SORCS1: variants seen among roughly 807,000 people sequenced by gnomAD.
SORCS1 encodes VPS10 domain-containing receptor SorCS1.
Under a neutral mutation model 146.1 loss-of-function variants are expected in SORCS1, and 60 were observed. The observed-to-expected ratio is 0.41, with a 90% CI of 0.33 to 0.51. The LOEUF (loss-of-function observed/expected upper bound fraction) is 0.51, where lower values mean the gene tolerates loss of function less well. Ranked by LOEUF, SORCS1 falls within the 20% of genes least tolerant of loss-of-function variation. The pLI is 0.21. For missense variants in SORCS1, 1,352 were observed against 1,487.6 expected, an observed-to-expected ratio of 0.91 and a Z score of 1.50; for synonymous variants, 637 against 584.0, an observed-to-expected ratio of 1.09 and a Z score of -1.31.
At chr10:106,644,526 C>A (rs1849282403) in intron 18 of SORCS1, among the ~76,000 whole-genome samples, 1 of 152,028 alleles carries the variant, frequency 6.6e-6, no homozygotes, top group African/African-American at 2.4e-5. Flanking sequence ...ACCACCACGC[C>A]CAGCTAATTT....
chr10:107,057,138 GAAAGACTAGA>G (rs987483619), intron 1 of SORCS1, among the ~76,000 whole-genome samples: 1 of 152,150 alleles, frequency 6.6e-6, no homozygotes, highest in Non-Finnish European at 1.5e-5. Context: ...ACTAGAGGAT[GAAAGACTAGA>G]AAAGAATGAG....
intron 6 of SORCS1, among the ~76,000 whole-genome samples, chr10:106,727,072 C>T (rs1251933): frequency 2.1e-5 from 3 of 146,202 alleles, no homozygotes; most frequent in Non-Finnish European, 3.0e-5. Flanking sequence ...CGTGACAGAG[C>T]GAGACTCTGT....
Position 106,629,312 on chromosome 10 carries a change from A to G in SORCS1, c.2552T>C (p.Met851Thr), listed in dbSNP as rs923784425. ...IAVSYVNLSS[M>T]EDGIKHVYQN... ...ATAGACGTGTTTGATCCCATCTTCC[A>G]TGGAGCTGAGATTGACGTAAGACAC... Residue 851 changes from methionine (M) to threonine (T), a missense_variant, in exon 19 of 26, where the codon ATG (methionine) becomes ACG (threonine). Around this residue, in one of 3 missense-constraint regions of SORCS1, gnomAD observed 648 missense variants for 793.8 expected, o/e 0.82. Transcript: ENST00000263054. The G allele has an allele frequency of 6.2e-7, 1 of 1,614,196 alleles. No individual in the cohort carries two copies. Among genetic ancestry groups the G allele is most frequent in the South Asian group, 1.1e-5 (1 of 91,076 alleles).
At chr10:107,054,972 A>T (rs1397228801) in intron 1 of SORCS1, among the ~76,000 whole-genome samples, 1 of 152,190 alleles carries the variant, frequency 6.6e-6, no homozygotes, top group Non-Finnish European at 1.5e-5. Flanking sequence ...AACTTAGAAG[A>T]GCCCATCAGA....
chr10:106,739,042 A>T (rs911098126), intron 5 of SORCS1, among the ~76,000 whole-genome samples: 1 of 152,186 alleles, frequency 6.6e-6, no homozygotes, highest in African/African-American at 2.4e-5. Flanking sequence ...CTACAGACTC[A>T]CTATGGATGA....
chr10:107,143,420 A>G (rs763440207), intron 1 of SORCS1, among the ~76,000 whole-genome samples: 1 of 152,002 alleles, frequency 6.6e-6, no homozygotes, highest in African/African-American at 2.4e-5. Flanking sequence ...TTACACCTCC[A>G]GGGCTCAAGC....
intron 24 of SORCS1, among the ~76,000 whole-genome samples, chr10:106,580,473 C>T (rs1190963965): frequency 4.6e-5 from 7 of 152,186 alleles, no homozygotes; most frequent in Admixed American, 4.6e-4. Flanking sequence ...TTAATTTCTA[C>T]CCTCTTAAAA....
At chr10:106,635,856 A>G (rs1167492668) in intron 18 of SORCS1, among the ~76,000 whole-genome samples, 1 of 152,178 alleles carries the variant, frequency 6.6e-6, no homozygotes, top group Non-Finnish European at 1.5e-5. Flanking sequence ...AGGAAATCAG[A>G]TATTTCAGCC....
intron 2 of SORCS1, among the ~76,000 whole-genome samples, chr10:106,869,978 A>C (rs1303904032): frequency 1.3e-5 from 1 of 78,838 alleles, no homozygotes; most frequent in African/African-American, 3.0e-5. Context: ...TCAGCTGATA[A>C]ACAACTTCAG....
intron 2 of SORCS1, among the ~76,000 whole-genome samples, chr10:106,945,690 T>A (rs1954301979): frequency 1.3e-5 from 2 of 152,246 alleles, no homozygotes; most frequent in South Asian, 4.1e-4. Flanking sequence ...TTTCTCAGCT[T>A]ATATTGGCAA....
intron 2 of SORCS1, among the ~76,000 whole-genome samples, chr10:106,950,609 G>GTA (rs1470895743): frequency 4.7e-4 from 71 of 151,728 alleles, no homozygotes; most frequent in East Asian, 7.7e-4. Flanking sequence ...GTCTGTGTGT[G>GTA]TATATATATA....
At chr10:106,797,000 G>A (rs568961843) in intron 3 of SORCS1, among the ~76,000 whole-genome samples, 5 of 152,172 alleles carry the variant, frequency 3.3e-5, no homozygotes, top group Admixed American at 6.5e-5. Flanking sequence ...CTAGCTACTC[G>A]GGAGGCTGAG....
At chr10:106,606,248 G>A (rs1846566156) in intron 23 of SORCS1, among the ~76,000 whole-genome samples, 1 of 150,348 alleles carries the variant, frequency 6.7e-6, no homozygotes, top group South Asian at 2.1e-4. Flanking sequence ...AAGAGAAAGA[G>A]AATCACACAA....
chr10:106,978,346 A>T (rs1477210670), intron 1 of SORCS1, among the ~76,000 whole-genome samples: 1 of 152,198 alleles, frequency 6.6e-6, no homozygotes, highest in Non-Finnish European at 1.5e-5. Context: ...CTCTAATTCC[A>T]GACTAAGAAA....
intron 1 of SORCS1, among the ~76,000 whole-genome samples, chr10:107,135,674 A>G (rs1026451746): frequency 4.6e-5 from 7 of 152,236 alleles, no homozygotes; most frequent in African/African-American, 1.2e-4. Flanking sequence ...TTGTCCAGAA[A>G]GCAATTACGT....
At chr10:106,934,384 T>TCAA (rs1953587484) in intron 2 of SORCS1, among the ~76,000 whole-genome samples, 1 of 151,870 alleles carries the variant, frequency 6.6e-6, no homozygotes, top group Admixed American at 6.6e-5. Context: ...CAGCCTCCTG[T>TCAA]GTAGTTGGGA....
intron 1 of SORCS1, among the ~76,000 whole-genome samples, chr10:107,130,105 G>A (rs1966851569): frequency 6.6e-6 from 1 of 152,214 alleles, no homozygotes; most frequent in African/African-American, 2.4e-5. Context: ...CATCCAACTG[G>A]AGGGAATCGC....
At chr10:106,619,116 C>G (rs1290539703) in intron 20 of SORCS1, among the ~76,000 whole-genome samples, 1 of 151,994 alleles carries the variant, frequency 6.6e-6, no homozygotes, top group East Asian at 1.9e-4. Flanking sequence ...TCTTGAGAAT[C>G]TGGTTTTCTT....
At chr10:107,102,557 G>A (rs1052630137) in intron 1 of SORCS1, among the ~76,000 whole-genome samples, 2 of 152,106 alleles carry the variant, frequency 1.3e-5, no homozygotes, top group Non-Finnish European at 2.9e-5. Context: ...ATTTGTTAAA[G>A]GTGCTTTATT....
Sources: allele counts gnomAD v4.1 joint callset (sites outside exome capture counted in the v4.1 genomes callset), GRCh38; gene constraint gnomAD v4.1.1; regional missense constraint gnomAD v4.1.1; transcripts MANE v1.5; gene names NCBI Gene and HGNC (gene_info 2026-07-23, HGNC 2026-07-21).